The following PRDM16 variants were observed in gnomAD, a reference collection of about 807,000 sequenced individuals.
The protein encoded by PRDM16 is histone-lysine N-methyltransferase PRDM16.
In PRDM16, 23 loss-of-function variants were observed where a neutral mutation model predicts 110.6. The observed-to-expected ratio is 0.21, with a 90% confidence interval of 0.15 to 0.29. The LOEUF is 0.29. Among genes scored for constraint, PRDM16 ranks in the 10% least tolerant of loss-of-function variants. PRDM16 has a pLI of 1.00. For missense variants in PRDM16, 1,615 were observed against 1,794.3 expected, an observed-to-expected ratio of 0.90 and a Z score of 1.81; for synonymous variants, 799 against 781.8, an observed-to-expected ratio of 1.02 and a Z score of -0.37.
In PRDM16 at chr1:3,424,599, C is replaced by T. The variant is rs139387513; in HGVS notation, c.2940-982C>T. On this transcript the variant is annotated intron_variant, in intron 12 of 16. Coordinates refer to ENST00000270722, the MANE Select transcript of PRDM16 (RefSeq NM_022114.4). ...TGGGGGAATAAAGATAAACCGAGCC[C>T]GGGAGCTGGCAGTGCCCAAAGGGGC... Among the ~76,000 whole-genome samples, 881 of 152,344 alleles carry T rather than the reference C, an allele frequency of 5.8e-3. 8 individuals carry two copies. The highest frequency in any genetic ancestry group is 0.02 in the African/African-American group (832 of 41,574).
In PRDM16 at chr1:3,275,630, C is replaced by T. The variant is rs1183598471; in HGVS notation, c.438+31493C>T. Among the ~76,000 whole-genome samples the T allele has an allele frequency of 3.3e-5, 5 of 152,200 alleles. No homozygotes were observed. In the East Asian group the frequency reaches 7.7e-4, roughly 23 times the overall value. On this transcript the variant is annotated intron_variant, in intron 3 of 16. Transcript: ENST00000270722. ...CAGTGCTCGAACCAAACGCCAGAGC[C>T]GGTCCTGCCCAGTGCTCCAGTTCCC...
At chr1:3,328,902 A>T (rs1208961555) in intron 3 of PRDM16, among the ~76,000 whole-genome samples, 1 of 152,122 alleles carries the variant, frequency 6.6e-6, no homozygotes, top group East Asian at 1.9e-4. Flanking sequence ...AGATTCAGTG[A>T]GACCGTGAAG....
At chr1:3,234,034 C>T (rs968369038) in intron 2 of PRDM16, among the ~76,000 whole-genome samples, 3 of 152,078 alleles carry the variant, frequency 2.0e-5, no homozygotes, top group South Asian at 2.1e-4. Context: ...CTGGAGCCCT[C>T]GGCTCCTTGA....
intron 1 of PRDM16, among the ~76,000 whole-genome samples, chr1:3,146,686 CGT>C (rs1408323512): frequency 1.2e-4 from 13 of 111,024 alleles, no homozygotes; most frequent in Admixed American, 2.0e-4. Context: ...TGTGTGTGCA[CGT>C]GTGTTTGGTG....
At chr1:3,193,037 C>T (rs774067033) in intron 2 of PRDM16, among the ~76,000 whole-genome samples, 12 of 151,914 alleles carry the variant, frequency 7.9e-5, no homozygotes, top group Non-Finnish European at 1.3e-4. Flanking sequence ...AGCGGCCAGA[C>T]GGCGAGTACC....
Position 3,244,836 on chromosome 1 carries a change from C to A in PRDM16, c.438+699C>A, listed in dbSNP as rs985256911. ...GGAAAGCAGCTCCGAAACCTAGAAC[C>A]TGTTCAGCAGCCAGAACTCCTCTTC... is the stretch of plus-strand genomic sequence containing the variant. On this transcript the variant is annotated intron_variant, in intron 3 of 16. Coordinates refer to ENST00000270722, the MANE Select transcript of PRDM16 (RefSeq NM_022114.4). This position sits in a 1 kb window ranked among gnomAD's most constrained non-coding sequence, Gnocchi z 4.1. Among the ~76,000 whole-genome samples the A allele has an allele frequency of 6.6e-6, 1 of 152,204 alleles. No homozygotes were observed. The highest frequency in any genetic ancestry group is 1.5e-5 in the Non-Finnish European group (1 of 68,034).
chr1:3,114,603 C>T (rs1402714043), intron 1 of PRDM16, among the ~76,000 whole-genome samples: 2 of 151,662 alleles, frequency 1.3e-5, no homozygotes, highest in African/African-American at 2.4e-5. Context: ...CGTGCACATG[C>T]ACACACGTGC....
intron 1 of PRDM16, among the ~76,000 whole-genome samples, chr1:3,070,169 G>A (rs1641714023): frequency 6.6e-6 from 1 of 151,900 alleles, no homozygotes; most frequent in African/African-American, 2.4e-5. Context: ...CGGGCCCGGC[G>A]GGGACAGAGC....
Position 3,157,701 on chromosome 1 carries a change from G to T in PRDM16, c.38-28424G>T, listed in dbSNP as rs1031973454. Among the ~76,000 whole-genome samples the T allele has an allele frequency of 6.6e-6, 1 of 152,136 alleles. No individual in the cohort carries two copies. Among genetic ancestry groups the T allele is most frequent in the Non-Finnish European group, 1.5e-5 (1 of 68,040 alleles). On this transcript the variant is annotated intron_variant, in intron 1 of 16. Transcript: ENST00000270722. This position sits in a 1 kb window ranked among gnomAD's most constrained non-coding sequence, Gnocchi z 4.8. Reference sequence around the variant, plus strand: ...ATTCGCACCTGCTGGACTGGGAGGCGTCTCAGCAAATACCCACAGGAGGCT... The same window carrying T: ...ATTCGCACCTGCTGGACTGGGAGGCTTCTCAGCAAATACCCACAGGAGGCT...
intron 4 of PRDM16, among the ~76,000 whole-genome samples, chr1:3,388,292 C>G (rs1643235983): frequency 6.7e-6 from 1 of 149,300 alleles, no homozygotes; most frequent in Non-Finnish European, 1.5e-5. Flanking sequence ...CTCTCTCTTT[C>G]TCTGTCTCTC....
At chr1:3,199,937 T>A (rs1360151183) in intron 2 of PRDM16, among the ~76,000 whole-genome samples, 1 of 152,218 alleles carries the variant, frequency 6.6e-6, no homozygotes, top group East Asian at 1.9e-4. Context: ...GGGATGTCCT[T>A]GTGTTCCGTC....
chr1:3,141,822 A>C (rs1557478878), intron 1 of PRDM16, among the ~76,000 whole-genome samples: 1 of 152,240 alleles, frequency 6.6e-6, no homozygotes, highest in Admixed American at 6.5e-5. Context: ...TCACTGTCTC[A>C]GTTGGGGTGG....
chr1:3,378,285 G>A (rs1643030649), intron 3 of PRDM16, among the ~76,000 whole-genome samples: 1 of 152,104 alleles, frequency 6.6e-6, no homozygotes, highest in Non-Finnish European at 1.5e-5. Flanking sequence ...GCAGCCGGAG[G>A]GCCACCAAGC....
chr1:3,411,951 ACTC>A lies in PRDM16; in HGVS notation c.1757_1759del (p.Ser586del). On this transcript the variant is annotated inframe_deletion, in exon 9 of 17. Coordinates refer to ENST00000270722, the MANE Select transcript of PRDM16 (RefSeq NM_022114.4). The stretch of plus-strand genomic sequence containing the variant: ...GAGAAGTTCGAGAGCCGCCTGGAGG[ACTC>A]CTGTGTGGAGAAGCTGAAGACCAGG... 1 of 1,613,420 alleles carries A rather than the reference ACTC, an allele frequency of 6.2e-7. No individual in the cohort carries two copies. Among genetic ancestry groups the A allele is most frequent in the Non-Finnish European group, 8.5e-7 (1 of 1,179,914 alleles).
At chr1:3,407,926 C>A (rs1643589880) in intron 8 of PRDM16, among the ~76,000 whole-genome samples, 1 of 152,244 alleles carries the variant, frequency 6.6e-6, no homozygotes, top group Non-Finnish European at 1.5e-5. Flanking sequence ...TAAAGGAAAA[C>A]CCCAGATGTG....
At chr1:3,154,275 C>G (rs1182814073) in intron 1 of PRDM16, among the ~76,000 whole-genome samples, 1 of 152,020 alleles carries the variant, frequency 6.6e-6, no homozygotes, top group Non-Finnish European at 1.5e-5. Flanking sequence ...CGCACTCTCC[C>G]TGGGCGGCGT....
intron 3 of PRDM16, among the ~76,000 whole-genome samples, chr1:3,300,120 A>G (rs1183514532): frequency 7.9e-5 from 6 of 75,522 alleles, no homozygotes; most frequent in South Asian, 5.2e-4. Context: ...AGTCGTGGTG[A>G]CTCTGCCCTT....
intron 2 of PRDM16, among the ~76,000 whole-genome samples, chr1:3,232,366 C>T (rs909991238): frequency 6.6e-6 from 1 of 152,186 alleles, no homozygotes; most frequent in African/African-American, 2.4e-5. Context: ...TCAGCATTCT[C>T]AGGTGTAAAT....
At chr1:3,116,136 G>A (rs1037862323) in intron 1 of PRDM16, among the ~76,000 whole-genome samples, 7 of 152,188 alleles carry the variant, frequency 4.6e-5, no homozygotes, top group East Asian at 1.9e-4. Context: ...CAGGCCTAGC[G>A]TGGGTGGTCA....
Sources: gnomAD v4.1 joint callset for allele counts (sites outside exome capture counted in the v4.1 genomes callset) on GRCh38, gnomAD v4.1.1 for gene constraint, Gnocchi (gnomAD v3.1) non-coding constraint, MANE v1.5 for transcripts, NCBI Gene and HGNC (gene_info 2026-07-23, HGNC 2026-07-21) for gene names.